The following DPYS variants were observed in gnomAD, a reference collection of about 807,000 sequenced individuals.
DPYS encodes the protein dihydropyrimidine amidohydrolase.
DPYS carries 39 observed loss-of-function variants against 50.3 expected under a neutral mutation model. That is an observed-to-expected ratio of 0.78 (90% CI 0.60 to 1.01). The LOEUF is 1.01. DPYS is among the 50% of genes least tolerant of loss of function. The pLI, the probability that DPYS is intolerant of heterozygous loss-of-function variation, is 0.00. For missense variants in DPYS, 659 were observed against 680.9 expected, an observed-to-expected ratio of 0.97 and a Z score of 0.36; for synonymous variants, 245 against 250.7, an observed-to-expected ratio of 0.98 and a Z score of 0.22.
intron 4 of DPYS, among the ~76,000 whole-genome samples, chr8:104,431,165 T>C (rs931212166): frequency 3.3e-5 from 5 of 152,142 alleles, no homozygotes; most frequent in Admixed American, 6.5e-5. Context: ...GCTTTATCAT[T>C]GAGGAAAGAT....
intron 2 of DPYS, among the ~76,000 whole-genome samples, chr8:104,450,279 A>C (rs1001115807): frequency 6.6e-6 from 1 of 152,154 alleles, no homozygotes; most frequent in Non-Finnish European, 1.5e-5. Flanking sequence ...TTTGGAGAAA[A>C]ACTAACGTTA....
intron 7 of DPYS, among the ~76,000 whole-genome samples, chr8:104,418,191 C>T (rs1468876141): frequency 6.6e-6 from 1 of 152,210 alleles, no homozygotes; most frequent in Non-Finnish European, 1.5e-5. Context: ...GCCAGCCTAG[C>T]TCAGTGCTCG....
At chr8:104,423,018 C>A (rs1812598220) in intron 7 of DPYS, among the ~76,000 whole-genome samples, 1 of 152,164 alleles carries the variant, frequency 6.6e-6, no homozygotes, top group African/African-American at 2.4e-5. Context: ...TACTTGTCTT[C>A]ATTTTGCATG....
chr8:104,404,551 G>A (rs983511261), intron 7 of DPYS, among the ~76,000 whole-genome samples: 2 of 152,260 alleles, frequency 1.3e-5, no homozygotes, highest in African/African-American at 4.8e-5. Context: ...TTCACTGTCT[G>A]AAGACTGTGC....
At chr8:104,455,695 C>T (rs1460220632) in intron 1 of DPYS, among the ~76,000 whole-genome samples, 2 of 152,050 alleles carry the variant, frequency 1.3e-5, no homozygotes, top group East Asian at 1.9e-4. Flanking sequence ...GGCCAGGGAG[C>T]GAGAAGCCAG....
rs181227238 is a variant in DPYS at position 104,394,004 on chromosome 8, T to A, written c.1236-1013A>T. ...CCCAAAGTCCATGGTGCTATTCTTA[T>A]GCCTTTGCATCCTCATAGCTTTGCT... is the stretch of plus-strand genomic sequence containing the variant. On this transcript the variant is annotated intron_variant, in intron 7 of 9. Transcript: ENST00000351513. Among the ~76,000 whole-genome samples, 109 of 152,358 alleles carry A rather than the reference T, an allele frequency of 7.2e-4. 2 individuals are homozygous for A. In the East Asian group the frequency reaches 0.018, roughly 25 times the overall value.
chr8:104,396,610 G>T (rs947115702), intron 7 of DPYS, among the ~76,000 whole-genome samples: 1 of 152,144 alleles, frequency 6.6e-6, no homozygotes, highest in African/African-American at 2.4e-5. Flanking sequence ...TGGTGATAGA[G>T]AGTATGTACA....
Position 104,453,765 on chromosome 8 carries a change from T to A in DPYS, c.265-2361A>T, listed in dbSNP as rs372379782. On this transcript the variant is annotated intron_variant, in intron 1 of 9. Transcript: ENST00000351513. ...TGAATATTCACAGCAGCATGATCCA[T>A]GGTAGCCAAAAAGTAGAAACAATAC... Among the ~76,000 whole-genome samples the A allele has an allele frequency of 1.8e-4, 27 of 152,298 alleles. No individual in the cohort carries two copies. The South Asian group carries it at 5.0e-3, about 28-fold the overall frequency.
chr8:104,409,336 T>C (rs1812098578), intron 7 of DPYS, among the ~76,000 whole-genome samples: 1 of 151,748 alleles, frequency 6.6e-6, no homozygotes, highest in Admixed American at 6.6e-5. Flanking sequence ...AGTACAAAAA[T>C]TAGCTGGGCG....
At position 104,424,276 on chromosome 8, in the gene DPYS, G is replaced by A; in HGVS notation, c.1206C>T (p.Asp402=). The part of the protein sequence containing the change: ...KGRIAVGSDA[D]IVIWDPKGTR... ...TGCCTTTTGGGTCCCAAATAACAAT[G>A]TCAGCATCTGATCCTACAGCTATTC... Residue 402 remains aspartate, a synonymous_variant, in exon 7 of 10, where the codon GAC becomes GAT. Transcript: ENST00000351513. 1.2e-6 allele frequency: 2 copies of A among 1,614,110 alleles called. No individual in the cohort carries two copies. The highest frequency in any genetic ancestry group is 1.1e-5 in the South Asian group (1 of 91,076).
chr8:104,459,304 T>G (rs1814038588), intron 1 of DPYS, among the ~76,000 whole-genome samples: 1 of 152,200 alleles, frequency 6.6e-6, no homozygotes, highest in African/African-American at 2.4e-5. Context: ...TAAAAATTTG[T>G]CACAATCATC....
chr8:104,427,675 A>G (rs181127387), intron 6 of DPYS, among the ~76,000 whole-genome samples: 1 of 152,188 alleles, frequency 6.6e-6, no homozygotes, highest in Non-Finnish European at 1.5e-5. Flanking sequence ...GGGCTATGCC[A>G]TTTCAGAGAA....
rs1161336539 is a variant in DPYS at position 104,379,728 on chromosome 8, T to C, written c.*130A>G. The C allele has an allele frequency of 2.2e-6, 1 of 454,858 alleles. No individual in the cohort carries two copies. The highest frequency in any genetic ancestry group is 4.4e-6 in the Non-Finnish European group (1 of 226,262). 28.2% of individuals were successfully genotyped at this position (454,858 alleles called of 1,614,324 possible). A position where few individuals can be genotyped will look rare whatever the true frequency, so the allele number is the denominator to read the frequency against. On this transcript the variant is annotated 3_prime_UTR_variant, in exon 10 of 10. Coordinates refer to ENST00000351513, the MANE Select transcript of DPYS (RefSeq NM_001385.3). Reference sequence around the variant, plus strand: ...TCTGAAAGAAAATCAAAGAAGCCTATAGTGGTGAATTTTTTCTAAAGGATC... The same window carrying C: ...TCTGAAAGAAAATCAAAGAAGCCTACAGTGGTGAATTTTTTCTAAAGGATC...
At chr8:104,445,463 G>T (rs1274962145) in intron 3 of DPYS, among the ~76,000 whole-genome samples, 5 of 152,208 alleles carry the variant, frequency 3.3e-5, no homozygotes, top group Non-Finnish European at 7.3e-5. Flanking sequence ...CCAGTCATTT[G>T]CAACAACATG....
At chr8:104,421,524 C>T (rs1023142877) in intron 7 of DPYS, 4 of 152,214 alleles carry the variant, frequency 2.6e-5, no homozygotes, top group African/African-American at 7.2e-5. Flanking sequence ...GTCCCAGCTA[C>T]TAGGGAGGCT....
intron 4 of DPYS, among the ~76,000 whole-genome samples, chr8:104,434,713 C>T (rs900075360): frequency 6.6e-6 from 1 of 152,190 alleles, no homozygotes. Flanking sequence ...ATCATCTTAG[C>T]AAATCTAATG....
At chr8:104,466,160 A>C (rs945587271) in intron 1 of DPYS, among the ~76,000 whole-genome samples, 1 of 152,162 alleles carries the variant, frequency 6.6e-6, no homozygotes, top group African/African-American at 2.4e-5. Flanking sequence ...ACTTTGAGTC[A>C]AGGCTGTAAC....
rs563088094 is a variant in DPYS, at chr8:104,424,465, C to T, written c.1093-76G>A. 233 of 1,490,524 alleles carry T rather than the reference C, an allele frequency of 1.6e-4. No homozygotes were observed. The African/African-American group carries it at 2.9e-3, about 19-fold the overall frequency. The allele number at this position is 1,490,524 out of a possible 1,614,324, so 92.3% of individuals were successfully genotyped here. ...CCTATCGATAAAATGACAAGACTTG[C>T]ATCTCTTAAACAAACAGAACTGCAC... On this transcript the variant is annotated intron_variant, in intron 6 of 9. Coordinates refer to ENST00000351513, the MANE Select transcript of DPYS (RefSeq NM_001385.3).
chr8:104,466,691 G>T lies in DPYS; in HGVS notation c.230C>A (p.Ser77Ter). 1 of 1,528,508 alleles carries T rather than the reference G, an allele frequency of 6.5e-7. No individual in the cohort carries two copies. The highest frequency in any genetic ancestry group is 8.8e-7 in the Non-Finnish European group (1 of 1,141,522). 94.7% of individuals were successfully genotyped at this position (1,528,508 alleles called of 1,614,324 possible). ...HTHMQFPFMG[S>*]RSIDDFHQGT... ...CTGGTGGAAGTCGTCGATGGACCGC[G>T]AGCCCATGAAGGGGAACTGCATGTG... The change falls in exon 1 of 10, where the codon TCG becomes TAG. Residue 77 changes from serine (S) to a stop codon, truncating the protein, a stop_gained. Coordinates refer to ENST00000351513, the MANE Select transcript of DPYS (RefSeq NM_001385.3). LOFTEE classifies it high-confidence loss of function.
Sources: allele counts gnomAD v4.1 joint callset (sites outside exome capture counted in the v4.1 genomes callset), GRCh38; gene constraint gnomAD v4.1.1; transcripts MANE v1.5; gene names NCBI Gene and HGNC (gene_info 2026-07-23, HGNC 2026-07-21).